Variants in SGCZ observed in about 807,000 individuals in gnomAD.
SGCZ encodes sarcoglycan zeta.
SGCZ carries 40 observed loss-of-function variants against 41.3 expected under a neutral mutation model. The ratio of observed to expected loss-of-function variants is 0.97; its 90% CI spans 0.75 to 1.26. The LOEUF is 1.26. SGCZ is among the 50% of genes most tolerant of loss of function. The pLI, the probability that SGCZ is intolerant of heterozygous loss-of-function variation, is 0.00. For synonymous variants in SGCZ, 206 were observed against 137.5 expected (o/e 1.50, Z -3.49); for missense variants, 552 against 369.8 (o/e 1.49, Z -4.04).
intron 2 of SGCZ, among the ~76,000 whole-genome samples, chr8:14,431,957 T>A (rs2117338803): frequency 6.6e-6 from 1 of 152,178 alleles, no homozygotes; most frequent in Non-Finnish European, 1.5e-5. Flanking sequence ...ATCTGGGAAA[T>A]GCAAATCAAA....
chr8:14,419,252 T>C (rs1376439834), intron 2 of SGCZ, among the ~76,000 whole-genome samples: 2 of 151,966 alleles, frequency 1.3e-5, no homozygotes, highest in East Asian at 1.9e-4. Flanking sequence ...CATCCATATC[T>C]GGGTTATTAG....
chr8:14,512,226 T>C (rs1204505386), intron 2 of SGCZ, among the ~76,000 whole-genome samples: 1 of 152,118 alleles, frequency 6.6e-6, no homozygotes, highest in Non-Finnish European at 1.5e-5. Flanking sequence ...AGGAAGACGC[T>C]GAAGTGCCTA....
intron 1 of SGCZ, among the ~76,000 whole-genome samples, chr8:15,107,653 T>G (rs576645439): frequency 6.6e-6 from 1 of 152,270 alleles, no homozygotes; most frequent in Admixed American, 6.5e-5. Context: ...TAAACCTTTT[T>G]TTTGTTTGTT....
At chr8:15,144,183 C>A (rs1033555208) in intron 1 of SGCZ, among the ~76,000 whole-genome samples, 3 of 152,140 alleles carry the variant, frequency 2.0e-5, no homozygotes, top group Non-Finnish European at 2.9e-5. Flanking sequence ...AAAGGTGATA[C>A]AGAATCAGAA....
At chr8:14,729,402 A>G (rs531074335) in intron 1 of SGCZ, among the ~76,000 whole-genome samples, 1 of 152,260 alleles carries the variant, frequency 6.6e-6, no homozygotes, top group Admixed American at 6.5e-5. Flanking sequence ...CTTCAATAAG[A>G]CTGTTTTTGA....
chr8:14,606,158 G>C (rs1430341825), intron 1 of SGCZ, among the ~76,000 whole-genome samples: 2 of 151,746 alleles, frequency 1.3e-5, no homozygotes, highest in East Asian at 3.9e-4. Flanking sequence ...TGCTAAAATA[G>C]TCTTTTTATT....
At chr8:14,244,603 A>C (rs1011390012) in intron 3 of SGCZ, among the ~76,000 whole-genome samples, 1 of 151,398 alleles carries the variant, frequency 6.6e-6, no homozygotes, top group South Asian at 2.1e-4. Context: ...TATGAACTTT[A>C]AAGTAGTTTT....
chr8:14,979,486 T>A (rs777725366), intron 1 of SGCZ, among the ~76,000 whole-genome samples: 8 of 152,240 alleles, frequency 5.3e-5, no homozygotes, highest in Non-Finnish European at 1.0e-4. Flanking sequence ...TTAATGGATA[T>A]GCCTTATTAT....
chr8:14,685,019 G>A (rs1237149263), intron 1 of SGCZ, among the ~76,000 whole-genome samples: 3 of 152,066 alleles, frequency 2.0e-5, no homozygotes, highest in Admixed American at 6.6e-5. Flanking sequence ...AATTAGAATT[G>A]TCAAAAACCA....
intron 4 of SGCZ, among the ~76,000 whole-genome samples, chr8:14,205,216 G>C (rs924389175): frequency 3.3e-5 from 5 of 151,516 alleles, no homozygotes. Context: ...TATAAGCAGA[G>C]TACAAAATGA....
At chr8:14,750,851 T>C (rs181345262) in intron 1 of SGCZ, among the ~76,000 whole-genome samples, 1 of 152,352 alleles carries the variant, frequency 6.6e-6, no homozygotes, top group Admixed American at 6.5e-5. Context: ...GTTTGTGATT[T>C]GGTAACTGAA....
intron 5 of SGCZ, among the ~76,000 whole-genome samples, chr8:14,150,119 A>G (rs1422987035): frequency 2.0e-5 from 3 of 152,146 alleles, no homozygotes; most frequent in East Asian, 3.9e-4. Flanking sequence ...GTCTGGGCAA[A>G]AATTTCTTGA....
chr8:14,508,485 G>T (rs565129475), intron 2 of SGCZ, among the ~76,000 whole-genome samples: 128 of 152,076 alleles, frequency 8.4e-4, no homozygotes, highest in Admixed American at 8.5e-4. Context: ...ACCCTCGGAG[G>T]CTTTGCATGT....
intron 1 of SGCZ, among the ~76,000 whole-genome samples, chr8:14,813,157 T>C (rs753966926): frequency 6.6e-6 from 1 of 152,038 alleles, no homozygotes; most frequent in Non-Finnish European, 1.5e-5. Flanking sequence ...CCTCAAAGAG[T>C]TCAAAAACGA....
intron 5 of SGCZ, among the ~76,000 whole-genome samples, chr8:14,150,569 G>A (rs1344404839): frequency 3.9e-5 from 6 of 152,114 alleles, no homozygotes; most frequent in Non-Finnish European, 8.8e-5. Context: ...TATACTATTG[G>A]AGGGAATGTA....
chr8:14,498,474 A>C (rs527774426), intron 2 of SGCZ, among the ~76,000 whole-genome samples: 1 of 152,274 alleles, frequency 6.6e-6, no homozygotes, highest in East Asian at 1.9e-4. Flanking sequence ...CCATGACAGA[A>C]AACATTATTT....
At chr8:14,582,461 C>G (rs1804923051) in intron 1 of SGCZ, among the ~76,000 whole-genome samples, 1 of 151,904 alleles carries the variant, frequency 6.6e-6, no homozygotes, top group Admixed American at 6.6e-5. Flanking sequence ...TTGGGGGGAG[C>G]TTATAAATCA....
At chr8:14,740,058 G>C (rs1214916634) in intron 1 of SGCZ, among the ~76,000 whole-genome samples, 1 of 151,918 alleles carries the variant, frequency 6.6e-6, no homozygotes, top group African/African-American at 2.4e-5. Context: ...GGTCAAAATT[G>C]GCAGCTAAAA....
chr8:15,133,917 T>C (rs1428565489), intron 1 of SGCZ, among the ~76,000 whole-genome samples: 1 of 152,192 alleles, frequency 6.6e-6, no homozygotes, highest in Non-Finnish European at 1.5e-5. Flanking sequence ...TTAGTAAGCC[T>C]GGTATTAGGC....
Sources: allele counts gnomAD v4.1 joint callset (sites outside exome capture counted in the v4.1 genomes callset), GRCh38; gene constraint gnomAD v4.1.1; transcripts MANE v1.5; gene names NCBI Gene and HGNC (gene_info 2026-07-23, HGNC 2026-07-21).